The following PPP1R14C variants were observed in gnomAD, a reference collection of about 807,000 sequenced individuals.
PPP1R14C encodes protein phosphatase 1 regulatory subunit 14C.
PPP1R14C carries 16 observed loss-of-function variants against 20.4 expected under a neutral mutation model. The ratio of observed to expected loss-of-function variants is 0.78; its 90% CI spans 0.53 to 1.19. PPP1R14C has a LOEUF of 1.19. Ranked by LOEUF, PPP1R14C falls within the 50% of genes most tolerant of loss-of-function variation. The probability of loss-of-function intolerance (pLI) is 0.00; values close to 1 mark genes in which losing one functional copy is unlikely to be tolerated. For synonymous variants in PPP1R14C, 91 were observed against 91.0 expected (o/e 1.00, Z 0.00); for missense variants, 211 against 220.1 (o/e 0.96, Z 0.26).
At chr6:150,150,818 T>C (rs1777237635) in intron 1 of PPP1R14C, among the ~76,000 whole-genome samples, 1 of 152,106 alleles carries the variant, frequency 6.6e-6, no homozygotes, top group Admixed American at 6.5e-5. Flanking sequence ...GGCCCATTCA[T>C]TTCAGCATAT....
chr6:150,188,482 C>CTTTTTTTTTTTTTT (rs753993224), intron 1 of PPP1R14C, among the ~76,000 whole-genome samples: 1 of 104,982 alleles, frequency 9.5e-6, no homozygotes, highest in Non-Finnish European at 1.8e-5. Flanking sequence ...CAGGAATTAC[C>CTTTTTTTTTTTTTT]TTTTTTTTTT....
At chr6:150,212,263 C>T (rs897881569) in intron 1 of PPP1R14C, among the ~76,000 whole-genome samples, 2 of 152,170 alleles carry the variant, frequency 1.3e-5, no homozygotes, top group Admixed American at 6.5e-5. Context: ...GTGGTCATTG[C>T]GACTGAGGAA....
chr6:150,218,727 C>T (rs1490144704), intron 3 of PPP1R14C, among the ~76,000 whole-genome samples: 2 of 152,098 alleles, frequency 1.3e-5, no homozygotes. Flanking sequence ...TAACTCCCTG[C>T]AGCCTCGAAC....
chr6:150,228,092 T>G (rs1293987285), intron 3 of PPP1R14C, among the ~76,000 whole-genome samples: 2 of 152,216 alleles, frequency 1.3e-5, no homozygotes, highest in Non-Finnish European at 2.9e-5. Context: ...GAGCACAAGC[T>G]CTACTTTAGA....
At position 150,224,727 on chromosome 6, in the gene PPP1R14C, G is replaced by T. The variant is rs565300220; in HGVS notation, c.423+7871G>T. Among the ~76,000 whole-genome samples the T allele has an allele frequency of 8.9e-4, 135 of 152,326 alleles. 1 individual carries two copies. Among genetic ancestry groups the T allele is most frequent in the African/African-American group, 2.7e-3 (112 of 41,566 alleles). ...CAGAGTTGTTTTAAATGCCTGGATGGATAATTCCAACATTCCTGCTGTATC... is the reference window on the plus strand; with the variant it reads ...CAGAGTTGTTTTAAATGCCTGGATGTATAATTCCAACATTCCTGCTGTATC... On this transcript the variant is annotated intron_variant, in intron 3 of 3. Transcript: ENST00000361131.
intron 1 of PPP1R14C, chr6:150,194,884 A>G: frequency 1.0e-6 from 1 of 985,394 alleles, no homozygotes; most frequent in South Asian, 4.7e-5. Flanking sequence ...ATTGACACTG[A>G]TTTAAAGGTG....
intron 1 of PPP1R14C, among the ~76,000 whole-genome samples, chr6:150,182,468 A>C (rs1157355741): frequency 6.6e-6 from 1 of 152,160 alleles, no homozygotes; most frequent in Non-Finnish European, 1.5e-5. Context: ...ACATGGAAAG[A>C]TAGAGATCAT....
intron 1 of PPP1R14C, among the ~76,000 whole-genome samples, chr6:150,167,367 C>T (rs80011121): frequency 1.8e-4 from 27 of 151,616 alleles, no homozygotes; most frequent in African/African-American, 4.1e-4. Flanking sequence ...GACTCCGTCT[C>T]GGGGGGGAAA....
chr6:150,199,563 G>C (rs1777851162), intron 1 of PPP1R14C, among the ~76,000 whole-genome samples: 1 of 152,066 alleles, frequency 6.6e-6, no homozygotes, highest in African/African-American at 2.4e-5. Context: ...TTGGACTCCA[G>C]AACCAAGAAA....
chr6:150,194,197 C>T (rs756279375), intron 1 of PPP1R14C, among the ~76,000 whole-genome samples: 3 of 152,184 alleles, frequency 2.0e-5, no homozygotes, highest in Non-Finnish European at 4.4e-5. Context: ...TACCCAGTCT[C>T]GGGTATGTCT....
intron 1 of PPP1R14C, among the ~76,000 whole-genome samples, chr6:150,171,202 G>T (rs1362222244): frequency 1.5e-4 from 23 of 152,192 alleles, no homozygotes. Flanking sequence ...CACCATGGTA[G>T]TTTACAGAGG....
intron 1 of PPP1R14C, among the ~76,000 whole-genome samples, chr6:150,206,598 T>C (rs1777953777): frequency 6.6e-6 from 1 of 152,202 alleles, no homozygotes. Flanking sequence ...TGTGTCTTCA[T>C]GAGCAGGAGG....
intron 1 of PPP1R14C, among the ~76,000 whole-genome samples, chr6:150,198,201 C>A (rs1777831282): frequency 1.4e-5 from 2 of 147,876 alleles, no homozygotes; most frequent in Non-Finnish European, 1.5e-5. Context: ...GTGCCCCTGG[C>A]CGCCACGGTG....
chr6:150,172,844 A>G (rs1886358), intron 1 of PPP1R14C, among the ~76,000 whole-genome samples: 38,016 of 151,874 alleles, frequency 0.25, 5,057 homozygotes, highest in South Asian at 0.35. Flanking sequence ...GAGGCCTCAC[A>G]TGGCTGGATG....
rs766925439 is a variant in PPP1R14C at position 150,145,011 on chromosome 6, CA to C, written c.306+1514del. Among the ~76,000 whole-genome samples, 67 of 151,274 alleles carry C rather than the reference CA, an allele frequency of 4.4e-4. 1 individual carries two copies. The South Asian group carries it at 0.012, about 27-fold the overall frequency. ...TATTTCATACTGTTTTTTTTTTCTC[CA>C]TTTGGGATTTGGAAAAGATTCGAAT... On this transcript the variant is annotated intron_variant, in intron 1 of 3. Coordinates refer to ENST00000361131, the MANE Select transcript of PPP1R14C (RefSeq NM_030949.3).
chr6:150,240,895 T>TA (rs1231748029), intron 3 of PPP1R14C, among the ~76,000 whole-genome samples: 1 of 152,372 alleles, frequency 6.6e-6, no homozygotes, highest in East Asian at 1.9e-4. Context: ...ACAGAACTCC[T>TA]AAAACTCTTA....
At chr6:150,186,595 C>T (rs1480518223) in intron 1 of PPP1R14C, among the ~76,000 whole-genome samples, 1 of 152,078 alleles carries the variant, frequency 6.6e-6, no homozygotes, top group African/African-American at 2.4e-5. Context: ...CCTGGGCTTC[C>T]GGGGCTCCAG....
chr6:150,160,668 C>T (rs986642839), intron 1 of PPP1R14C, among the ~76,000 whole-genome samples: 2 of 151,972 alleles, frequency 1.3e-5, no homozygotes, highest in Non-Finnish European at 2.9e-5. Context: ...GTCTCTTCTT[C>T]CTCATTGGTT....
At chr6:150,149,551 G>A (rs959165453) in intron 1 of PPP1R14C, among the ~76,000 whole-genome samples, 2 of 144,460 alleles carry the variant, frequency 1.4e-5, no homozygotes, top group African/African-American at 5.2e-5. Flanking sequence ...GTCAGCCTCA[G>A]CCTTCCAAAG....
Sources: allele counts gnomAD v4.1 joint callset (sites outside exome capture counted in the v4.1 genomes callset), GRCh38; gene constraint gnomAD v4.1.1; transcripts MANE v1.5; gene names NCBI Gene and HGNC (gene_info 2026-07-23, HGNC 2026-07-21).